The following HMGB1 variants were observed in gnomAD, a reference collection of about 807,000 sequenced individuals.
The protein encoded by HMGB1 is high mobility group box 1.
For synonymous variants in HMGB1, 81 were observed against 84.0 expected (o/e 0.96, Z 0.19); for missense variants, 79 against 253.5 (o/e 0.31, Z 4.67).
chr13:30,473,799 A>C (rs956228876), intron 1 of HMGB1, among the ~76,000 whole-genome samples: 5 of 152,236 alleles, frequency 3.3e-5, no homozygotes, highest in African/African-American at 1.2e-4. Flanking sequence ...ACACTTGTAC[A>C]TGAATCTTCA....
chr13:30,541,593 T>C (rs1469146565), intron 1 of HMGB1: 1 of 152,996 alleles, frequency 6.5e-6, no homozygotes, highest in Non-Finnish European at 1.5e-5. Flanking sequence ...GATGCTGAGA[T>C]TTCCCCTTGA....
intron 1 of HMGB1, among the ~76,000 whole-genome samples, chr13:30,505,713 C>T (rs933588723): frequency 3.3e-5 from 5 of 152,106 alleles, no homozygotes; most frequent in African/African-American, 9.7e-5. Context: ...GGGCCCATCC[C>T]GTTTCCATCT....
chr13:30,506,712 C>T (rs1887877313), intron 1 of HMGB1, among the ~76,000 whole-genome samples: 1 of 152,196 alleles, frequency 6.6e-6, no homozygotes, highest in Non-Finnish European at 1.5e-5. Flanking sequence ...TTGGCATTCT[C>T]AAAGCCTCAC....
upstream of HMGB1, among the ~76,000 whole-genome samples, chr13:30,466,614 T>A (rs1010369635): frequency 5.9e-5 from 9 of 152,156 alleles, no homozygotes; most frequent in African/African-American, 9.7e-5. Flanking sequence ...AAATCTTGAG[T>A]CAGTGAGCAG....
At chr13:30,533,184 C>T (rs1311212399) in intron 1 of HMGB1, among the ~76,000 whole-genome samples, 1 of 152,168 alleles carries the variant, frequency 6.6e-6, no homozygotes, top group African/African-American at 2.4e-5. Context: ...AAGCAAAGGG[C>T]CCTGGAGCCA....
chr13:30,583,843 G>A (rs200067692), intron 1 of HMGB1, among the ~76,000 whole-genome samples: 96 of 114,044 alleles, frequency 8.4e-4, no homozygotes, highest in Middle Eastern at 9.4e-3. Flanking sequence ...AAAAAAAAAA[G>A]AAAGAAAGAA....
At chr13:30,596,051 C>T (rs925027864) in intron 1 of HMGB1, among the ~76,000 whole-genome samples, 5 of 152,040 alleles carry the variant, frequency 3.3e-5, no homozygotes, top group Admixed American at 6.6e-5. Context: ...CAGGGGAGTG[C>T]GAAGAAGGTG....
At chr13:30,503,519 T>C (rs975709887) in intron 1 of HMGB1, among the ~76,000 whole-genome samples, 1 of 152,106 alleles carries the variant, frequency 6.6e-6, no homozygotes, top group Non-Finnish European at 1.5e-5. Flanking sequence ...GTATCTTTTA[T>C]GGATAAGGTT....
At chr13:30,479,281 T>A (rs1887173680) in intron 1 of HMGB1, among the ~76,000 whole-genome samples, 2 of 152,224 alleles carry the variant, frequency 1.3e-5, no homozygotes, top group Non-Finnish European at 2.9e-5. Context: ...CCAACTCTTC[T>A]TAGAGGCGTT....
chr13:30,484,558 G>GT (rs1887316197), intron 1 of HMGB1, among the ~76,000 whole-genome samples: 1 of 152,098 alleles, frequency 6.6e-6, no homozygotes. Context: ...ACATTGTTTT[G>GT]TTTTTTGTTT....
At chr13:30,554,568 C>CT in intron 1 of HMGB1, 1 of 775,180 alleles carries the variant, frequency 1.3e-6, no homozygotes, top group Non-Finnish European at 2.4e-6. Context: ...TTAGCTCCTG[C>CT]TTTTGATCAT....
At chr13:30,569,477 T>C (rs1870336358) in intron 1 of HMGB1, among the ~76,000 whole-genome samples, 1 of 152,224 alleles carries the variant, frequency 6.6e-6, no homozygotes, top group Non-Finnish European at 1.5e-5. Context: ...TGCATTTGTA[T>C]ATGCTAGGCA....
At chr13:30,524,673 G>C (rs1391636294) in intron 1 of HMGB1, among the ~76,000 whole-genome samples, 2 of 148,844 alleles carry the variant, frequency 1.3e-5, no homozygotes, top group Non-Finnish European at 3.0e-5. Context: ...ACAAGAGCAA[G>C]ACTCTGTCTC....
At chr13:30,517,385 T>C (rs1356875067) in intron 1 of HMGB1, among the ~76,000 whole-genome samples, 1 of 152,242 alleles carries the variant, frequency 6.6e-6, no homozygotes, top group East Asian at 1.9e-4. Context: ...GTGGTTTTAA[T>C]GTGTACCAAT....
In HMGB1 at chr13:30,522,310, G is replaced by A. The variant is rs1422345800; in HGVS notation, c.-14-58616C>T. Among the ~76,000 whole-genome samples, 5 of 152,004 alleles carry A rather than the reference G, an allele frequency of 3.3e-5. No homozygotes were observed. The East Asian group carries it at 9.7e-4, about 29-fold the overall frequency. ...TTATTTTTTGTAGAGACTGGGTCTT[G>A]ACATGTTGGTCTCAAACTTTTGGGC... On this transcript the variant is annotated intron_variant, in intron 1 of 4. Coordinates refer to the HMGB1 transcript ENST00000405805.
chr13:30,580,252 A>G (rs1593324280), intron 1 of HMGB1, among the ~76,000 whole-genome samples: 1 of 152,384 alleles, frequency 6.6e-6, no homozygotes, highest in Middle Eastern at 3.4e-3. Context: ...AAAGAAATAT[A>G]AGTTCTGCTT....
chr13:30,551,770 A>C (rs1869439937), intron 1 of HMGB1, among the ~76,000 whole-genome samples: 1 of 151,918 alleles, frequency 6.6e-6, no homozygotes, highest in Non-Finnish European at 1.5e-5. Flanking sequence ...CAGTGGTGCG[A>C]TCATAGTTCA....
At chr13:30,554,733 G>C in intron 1 of HMGB1, 1 of 769,214 alleles carries the variant, frequency 1.3e-6, no homozygotes, top group South Asian at 1.3e-5. Context: ...GGACAGAAAG[G>C]CCACCACAGC....
intron 1 of HMGB1, among the ~76,000 whole-genome samples, chr13:30,551,176 T>C (rs965673201): frequency 6.6e-6 from 1 of 152,254 alleles, no homozygotes; most frequent in Non-Finnish European, 1.5e-5. Context: ...CAAGCAGTAC[T>C]AGTTATGGTG....
Sources: gnomAD v4.1 joint callset for allele counts (sites outside exome capture counted in the v4.1 genomes callset) on GRCh38, gnomAD v4.1.1 for gene constraint, MANE v1.5 for transcripts, NCBI Gene and HGNC (gene_info 2026-07-23, HGNC 2026-07-21) for gene names.